Variants in IQCM observed in about 807,000 individuals in gnomAD.
IQCM encodes IQ motif containing M, also known as IQ domain-containing protein M.
Under a neutral mutation model 57.6 loss-of-function variants are expected in IQCM, and 45 were observed. That is an observed-to-expected ratio of 0.78 (90% CI 0.62 to 1.00). The LOEUF (loss-of-function observed/expected upper bound fraction) is 1.00, where lower values mean the gene tolerates loss of function less well. IQCM is among the 50% of genes least tolerant of loss of function. The probability of loss-of-function intolerance (pLI) is 0.00; values close to 1 mark genes in which losing one functional copy is unlikely to be tolerated. For missense variants in IQCM, 468 were observed against 511.6 expected (o/e 0.91, Z 0.82); for synonymous variants, 148 against 158.9 (o/e 0.93, Z 0.51).
chr4:149,644,632 T>C (rs1014774147), intron 7 of IQCM, among the ~76,000 whole-genome samples: 1 of 152,204 alleles, frequency 6.6e-6, no homozygotes, highest in Non-Finnish European at 1.5e-5. Context: ...AGTATGCTGC[T>C]GTGAACATTC....
intron 7 of IQCM, among the ~76,000 whole-genome samples, chr4:149,657,863 T>C (rs1331086575): frequency 1.3e-5 from 2 of 152,054 alleles, no homozygotes; most frequent in African/African-American, 4.8e-5. Flanking sequence ...CTAGATTTTT[T>C]TGCTGTTAAA....
intron 9 of IQCM, among the ~76,000 whole-genome samples, chr4:149,569,115 G>C (rs905671063): frequency 9.9e-5 from 15 of 152,198 alleles, no homozygotes; most frequent in Admixed American, 2.6e-4. Context: ...ATGGGGAAGA[G>C]AGAAGTTGTG....
At chr4:149,596,473 C>G (rs1753792056) in intron 8 of IQCM, among the ~76,000 whole-genome samples, 1 of 151,966 alleles carries the variant, frequency 6.6e-6, no homozygotes, top group Non-Finnish European at 1.5e-5. Context: ...GACCTGCATG[C>G]CCTGCAGTTG....
intron 13 of IQCM, among the ~76,000 whole-genome samples, chr4:149,406,907 G>A (rs904032418): frequency 2.0e-5 from 3 of 152,008 alleles, no homozygotes; most frequent in African/African-American, 7.3e-5. Context: ...ACATGGCTGG[G>A]GAGGCCTCAT....
At chr4:149,358,883 C>CTCT (rs1172987438) in intron 13 of IQCM, among the ~76,000 whole-genome samples, 3 of 81,590 alleles carry the variant, frequency 3.7e-5, no homozygotes, top group Admixed American at 1.1e-4. Context: ...TATCATGAGA[C>CTCT]CACAGTGGAG....
At chr4:149,654,187 A>G (rs1759437713) in intron 7 of IQCM, among the ~76,000 whole-genome samples, 1 of 152,164 alleles carries the variant, frequency 6.6e-6, no homozygotes, top group African/African-American at 2.4e-5. Flanking sequence ...ACAAAGTTCT[A>G]TTACCTTTCT....
At chr4:149,691,796 G>A (rs1762958939) in intron 5 of IQCM, 1 of 152,136 alleles carries the variant, frequency 6.6e-6, no homozygotes, top group South Asian at 2.1e-4. Flanking sequence ...ACATACCTAG[G>A]AAGGATATGA....
chr4:149,364,118 A>G (rs1729676063), intron 13 of IQCM, among the ~76,000 whole-genome samples: 2 of 152,186 alleles, frequency 1.3e-5, no homozygotes, highest in Admixed American at 1.3e-4. Flanking sequence ...CTGGAGAAGG[A>G]ACAAAATAGA....
intron 13 of IQCM, among the ~76,000 whole-genome samples, chr4:149,428,901 T>TAGTAGA (rs1222762499): frequency 6.6e-6 from 1 of 151,840 alleles, no homozygotes; most frequent in East Asian, 1.9e-4. Context: ...GAAAAAGAAG[T>TAGTAGA]AGTAGAACTA....
At chr4:149,380,467 T>A (rs1212339440) in intron 13 of IQCM, among the ~76,000 whole-genome samples, 5 of 152,150 alleles carry the variant, frequency 3.3e-5, no homozygotes, top group Admixed American at 3.3e-4. Flanking sequence ...ATTTTGCTCA[T>A]AATTATTGTC....
At chr4:149,566,589 G>T (rs572719342) in intron 9 of IQCM, among the ~76,000 whole-genome samples, 2 of 152,124 alleles carry the variant, frequency 1.3e-5, no homozygotes, top group Non-Finnish European at 2.9e-5. Flanking sequence ...AGAATTGAAA[G>T]TTATTTGGGG....
chr4:149,579,137 C>T (rs887042295), intron 9 of IQCM, among the ~76,000 whole-genome samples: 16 of 151,742 alleles, frequency 1.1e-4, no homozygotes, highest in Admixed American at 7.9e-4. Context: ...CTTCATATTA[C>T]ATGCAGGAGT....
chr4:149,529,675 C>T (rs1746536539), intron 12 of IQCM, among the ~76,000 whole-genome samples: 1 of 152,158 alleles, frequency 6.6e-6, no homozygotes, highest in Admixed American at 6.5e-5. Flanking sequence ...AAATGCTCCT[C>T]TTGAGAGGTT....
chr4:149,661,080 G>A (rs1760157702), intron 7 of IQCM, among the ~76,000 whole-genome samples: 1 of 152,086 alleles, frequency 6.6e-6, no homozygotes, highest in Non-Finnish European at 1.5e-5. Context: ...ACAGTTTGGT[G>A]TTAGCGGTGT....
At chr4:149,685,162 T>A (rs1188538975) in intron 6 of IQCM, among the ~76,000 whole-genome samples, 1 of 151,618 alleles carries the variant, frequency 6.6e-6, no homozygotes, top group South Asian at 2.1e-4. Context: ...ACATTATTAT[T>A]CTGCCATGGC....
chr4:149,612,235 T>C (rs1459146130), intron 8 of IQCM, among the ~76,000 whole-genome samples: 2 of 152,136 alleles, frequency 1.3e-5, no homozygotes, highest in Non-Finnish European at 2.9e-5. Flanking sequence ...ATGGGGATTA[T>C]AATTTGAGAT....
At chr4:149,801,429 A>G (rs1010397330) in intron 2 of IQCM, among the ~76,000 whole-genome samples, 15 of 152,030 alleles carry the variant, frequency 9.9e-5, no homozygotes, top group Non-Finnish European at 1.8e-4. Flanking sequence ...TATCAAAGAG[A>G]TATCTGCACT....
chr4:149,451,708 A>G (rs1297931281), intron 12 of IQCM, among the ~76,000 whole-genome samples: 1 of 151,728 alleles, frequency 6.6e-6, no homozygotes, highest in African/African-American at 2.4e-5. Context: ...TTTCTCGTAA[A>G]TTTTCTCAGC....
intron 12 of IQCM, among the ~76,000 whole-genome samples, chr4:149,519,220 TAGTG>T (rs1745326962): frequency 6.6e-6 from 1 of 152,230 alleles, no homozygotes; most frequent in South Asian, 2.1e-4. Context: ...TACTGGTGTT[TAGTG>T]AGTGTTTGAC....
Sources: gnomAD v4.1 joint callset for allele counts (sites outside exome capture counted in the v4.1 genomes callset) on GRCh38, gnomAD v4.1.1 for gene constraint, MANE v1.5 for transcripts, NCBI Gene and HGNC (gene_info 2026-07-23, HGNC 2026-07-21) for gene names.